The following SIMC1 variants were observed in gnomAD, a reference collection of about 807,000 sequenced individuals.
SIMC1 encodes the protein SUMO-interacting motif-containing protein 1.
In SIMC1, 55 loss-of-function variants were observed where a neutral mutation model predicts 82.3. The observed-to-expected ratio is 0.67, with a 90% confidence interval of 0.54 to 0.84. The LOEUF (loss-of-function observed/expected upper bound fraction) is 0.84. Among genes scored for constraint, SIMC1 ranks in the 40% least tolerant of loss-of-function variants. The probability of loss-of-function intolerance (pLI) is 0.00; values close to 1 mark genes in which losing one functional copy is unlikely to be tolerated. For synonymous variants in SIMC1, 353 were observed against 426.3 expected (o/e 0.83, Z 2.12); for missense variants, 915 against 1,107.2 (o/e 0.83, Z 2.46).
intron 1 of SIMC1, among the ~76,000 whole-genome samples, chr5:176,253,095 T>C (rs1348814785): frequency 6.6e-6 from 1 of 152,048 alleles, no homozygotes; most frequent in African/African-American, 2.4e-5. Flanking sequence ...AGCAGTACAG[T>C]CCAGCTTCGG....
chr5:176,252,108 G>A (rs1015551806), intron 1 of SIMC1, among the ~76,000 whole-genome samples: 1 of 152,220 alleles, frequency 6.6e-6, no homozygotes, highest in African/African-American at 2.4e-5. Context: ...ACACCTCCCA[G>A]ATGGGGTGGT....
chr5:176,241,602 A>ACCC lies in SIMC1; in HGVS notation c.129+2970_129+2972dup, dbSNP rs555243584. ...AAGAACACGGGGATTAGGGTTGCTA[A>ACCC]CCCCCCCGTGCAGTTGAAAATTTAC... On this transcript the variant is annotated intron_variant, in intron 1 of 9. Coordinates refer to ENST00000429602, the MANE Select transcript of SIMC1 (RefSeq NM_001308195.2). 1.1e-3 allele frequency among the ~76,000 whole-genome samples: 169 copies of ACCC among 151,690 alleles called. 2 individuals are homozygous for ACCC. Among genetic ancestry groups the ACCC allele is most frequent in the African/African-American group, 4.0e-3 (164 of 41,228 alleles).
At chr5:176,303,037 T>C (rs1764109292) in intron 4 of SIMC1, among the ~76,000 whole-genome samples, 1 of 152,130 alleles carries the variant, frequency 6.6e-6, no homozygotes, top group African/African-American at 2.4e-5. Flanking sequence ...TCTTTTTTTT[T>C]GTAGAAATAG....
chr5:176,324,046 G>T (rs2113373921), intron 6 of SIMC1, among the ~76,000 whole-genome samples: 2 of 151,304 alleles, frequency 1.3e-5, no homozygotes, highest in South Asian at 2.1e-4. Context: ...GTCAGGCCAG[G>T]CTCACCTTTC....
At chr5:176,295,510 T>C (rs72645801) in intron 3 of SIMC1, among the ~76,000 whole-genome samples, 17,813 of 152,244 alleles carry the variant, frequency 0.12, 1,106 homozygotes, top group Admixed American at 0.15. Flanking sequence ...TATACAAAAA[T>C]GGTTACCAGG....
rs558387212 is a variant in SIMC1, at chr5:176,307,433, C to T, written c.1735-6258C>T. On this transcript the variant is annotated intron_variant, in intron 4 of 9. Coordinates refer to ENST00000429602, the MANE Select transcript of SIMC1 (RefSeq NM_001308195.2). ...ATTGTTTTTTTGAGACAGAGTCTTG[C>T]TCTGTTGCCCAGGCTGGAGTGCAGT... Among the ~76,000 whole-genome samples the T allele has an allele frequency of 3.3e-5, 5 of 152,304 alleles. 1 individual carries two copies. The East Asian group carries it at 9.6e-4, about 29-fold the overall frequency.
At chr5:176,257,136 C>G (rs1207074917) in intron 1 of SIMC1, among the ~76,000 whole-genome samples, 1 of 152,042 alleles carries the variant, frequency 6.6e-6, no homozygotes, top group Non-Finnish European at 1.5e-5. Flanking sequence ...TTTCTTTATT[C>G]AATAGCATAA....
chr5:176,312,536 CAAAAAAAAAAAAA>C (rs10551875), intron 4 of SIMC1, among the ~76,000 whole-genome samples: 2 of 70,022 alleles, frequency 2.9e-5, no homozygotes, highest in East Asian at 3.9e-4. Context: ...GACTCCATCT[CAAAAAAAAAAAAA>C]AAAAAAAAAA....
At chr5:176,329,388 G>A (rs901463734) in intron 7 of SIMC1, among the ~76,000 whole-genome samples, 6 of 151,784 alleles carry the variant, frequency 4.0e-5, no homozygotes, top group East Asian at 1.9e-4. Context: ...GGAGAATGGC[G>A]TGAACCCGGG....
chr5:176,310,994 T>C (rs1421828855), intron 4 of SIMC1, among the ~76,000 whole-genome samples: 1 of 152,206 alleles, frequency 6.6e-6, no homozygotes, highest in Non-Finnish European at 1.5e-5. Flanking sequence ...ACATATTATA[T>C]GATTCTATTT....
Position 176,290,737 on chromosome 5 carries a change from T to G in SIMC1, c.1213T>G (p.Leu405Val). 1.2e-6 allele frequency: 2 copies of G among 1,613,582 alleles called. No homozygotes were observed. Among genetic ancestry groups the G allele is most frequent in the Non-Finnish European group, 1.7e-6 (2 of 1,179,670 alleles). ...CSPSPQSETP[L>V]EKVPWLSVME... ...TCCCAGCCCACAGTCTGAAACTCCC[T>G]TAGAGAAAGTTCCTTGGCTCTCTGT... The change falls in exon 2 of 10, where the codon TTA (leucine) becomes GTA (valine). Residue 405 changes from leucine (L) to valine (V), a missense_variant. Physicochemically the swap from Leu to Val is conservative, Grantham distance 32. Coordinates refer to ENST00000429602, the MANE Select transcript of SIMC1 (RefSeq NM_001308195.2).
chr5:176,292,095 T>C (rs1561700580), intron 2 of SIMC1, among the ~76,000 whole-genome samples: 1 of 152,156 alleles, frequency 6.6e-6, no homozygotes, highest in Admixed American at 6.5e-5. Context: ...TCCTATGCTT[T>C]TCCCTTCCTG....
At chr5:176,343,236 T>G (rs1766229464) in intron 9 of SIMC1, among the ~76,000 whole-genome samples, 1 of 152,254 alleles carries the variant, frequency 6.6e-6, no homozygotes. Flanking sequence ...TGATTTGTTC[T>G]GTGTCCTAAA....
At chr5:176,242,207 T>C (rs946840589) in intron 1 of SIMC1, among the ~76,000 whole-genome samples, 2 of 152,050 alleles carry the variant, frequency 1.3e-5, no homozygotes, top group African/African-American at 4.8e-5. Flanking sequence ...AGTAGGACAT[T>C]ATTATCACGG....
intron 3 of SIMC1, among the ~76,000 whole-genome samples, chr5:176,295,485 T>A (rs1223581714): frequency 6.6e-6 from 1 of 152,244 alleles, no homozygotes; most frequent in Non-Finnish European, 1.5e-5. Flanking sequence ...AGGAGTGAGA[T>A]GTGACTTGAT....
chr5:176,329,741 C>T (rs557673963), intron 7 of SIMC1, among the ~76,000 whole-genome samples: 1 of 152,006 alleles, frequency 6.6e-6, no homozygotes, highest in African/African-American at 2.4e-5. Flanking sequence ...AATTCAAAAA[C>T]GATTTTATGT....
At chr5:176,293,072 C>T (rs766704167) in intron 2 of SIMC1, among the ~76,000 whole-genome samples, 6 of 151,986 alleles carry the variant, frequency 3.9e-5, no homozygotes, top group Admixed American at 3.9e-4. Flanking sequence ...AAATCTGTTT[C>T]TTTATTTATG....
Position 176,308,623 on chromosome 5 carries a change from G to A in SIMC1, c.1735-5068G>A. 4 of 1,585,166 alleles carry A rather than the reference G, an allele frequency of 2.5e-6. No individual in the cohort carries two copies. The South Asian group carries it at 4.4e-5, about 18-fold the overall frequency. ...CAAAAGAGTTCAGAGTCCCTTCATG[G>A]TCCACAAGACTTCTGGAGCTCCAGC... On this transcript the variant is annotated intron_variant, in intron 4 of 9. Transcript: ENST00000429602.
intron 1 of SIMC1, among the ~76,000 whole-genome samples, chr5:176,288,423 G>GAAT (rs1763392577): frequency 7.9e-6 from 1 of 126,738 alleles, no homozygotes; most frequent in African/African-American, 2.9e-5. Context: ...ATGAATGAAT[G>GAAT]AATAAATAAA....
Sources: gnomAD v4.1 joint callset for allele counts (sites outside exome capture counted in the v4.1 genomes callset) on GRCh38, gnomAD v4.1.1 for gene constraint, MANE v1.5 for transcripts, NCBI Gene and HGNC (gene_info 2026-07-23, HGNC 2026-07-21) for gene names.